Variants in KALRN observed in about 807,000 individuals in gnomAD.
The protein encoded by KALRN is kalirin RhoGEF kinase.
Under a neutral mutation model 353.7 loss-of-function variants are expected in KALRN, and 70 were observed. The ratio of observed to expected loss-of-function variants is 0.20; its 90% CI spans 0.16 to 0.24. The LOEUF (loss-of-function observed/expected upper bound fraction) is 0.24. Ranked by LOEUF, KALRN falls within the 10% of genes least tolerant of loss-of-function variation. KALRN has a pLI of 1.00. For synonymous variants in KALRN, 1,391 were observed against 1,434.8 expected, an observed-to-expected ratio of 0.97 and a Z score of 0.69; for missense variants, 2,791 against 3,756.7, an observed-to-expected ratio of 0.74 and a Z score of 6.72.
intron 6 of KALRN, among the ~76,000 whole-genome samples, chr3:124,322,777 C>A (rs1005943675): frequency 2.6e-5 from 4 of 152,182 alleles, no homozygotes; most frequent in Admixed American, 2.0e-4. Flanking sequence ...ACCTTCCTTG[C>A]CATTACTCCC....
intron 14 of KALRN, among the ~76,000 whole-genome samples, chr3:124,414,737 C>A (rs1383948771): frequency 1.3e-5 from 2 of 152,168 alleles, no homozygotes; most frequent in Non-Finnish European, 2.9e-5. Flanking sequence ...GAGCCCAGAT[C>A]TCTACCTTCC....
In KALRN at chr3:124,697,177, C is replaced by T. The variant is rs772705203; in HGVS notation, c.7700-416C>T. On this transcript the variant is annotated intron_variant, in intron 54 of 59. Coordinates refer to ENST00000682506, the MANE Select transcript of KALRN (RefSeq NM_001388419.1). ...CATCCCAAAGTGCTAGGATTATAGG[C>T]GTCAGCCAGCACACCTGGCACTACG... 3.9e-5 allele frequency among the ~76,000 whole-genome samples: 6 copies of T among 152,204 alleles called. 1 individual carries two copies. The highest frequency in any genetic ancestry group is 1.3e-4 in the Admixed American group (2 of 15,286).
At chr3:124,337,284 G>T (rs1161662173) in intron 9 of KALRN, among the ~76,000 whole-genome samples, 1 of 152,118 alleles carries the variant, frequency 6.6e-6, no homozygotes, top group African/African-American at 2.4e-5. Flanking sequence ...GTATGATATT[G>T]GCTGTGGGTT....
chr3:124,349,276 C>G (rs2082598354), intron 10 of KALRN, among the ~76,000 whole-genome samples: 1 of 152,082 alleles, frequency 6.6e-6, no homozygotes, highest in Non-Finnish European at 1.5e-5. Context: ...TAGTGAAATT[C>G]ATGGAGATGG....
intron 14 of KALRN, among the ~76,000 whole-genome samples, chr3:124,417,406 G>A (rs1202460762): frequency 3.9e-5 from 6 of 152,160 alleles, no homozygotes; most frequent in Non-Finnish European, 7.3e-5. Context: ...CTGACCGTGC[G>A]ACTGTTACAC....
chr3:124,583,686 C>T (rs2074839279), intron 34 of KALRN, among the ~76,000 whole-genome samples: 1 of 151,920 alleles, frequency 6.6e-6, no homozygotes, highest in Non-Finnish European at 1.5e-5. Context: ...GGGGCTGTTA[C>T]AAAAAGAAAA....
chr3:124,274,477 A>G (rs1301507427), intron 5 of KALRN, among the ~76,000 whole-genome samples: 2 of 152,228 alleles, frequency 1.3e-5, no homozygotes. Context: ...ACTGATGTCT[A>G]CCCAGGAGGC....
intron 37 of KALRN, 35 bp from the exon 38 acceptor site, chr3:124,650,773 T>C: frequency 6.4e-7 from 1 of 1,565,942 alleles, no homozygotes; most frequent in Non-Finnish European, 8.6e-7. Flanking sequence ...CTTTTCAAAG[T>C]ACACTTCTCT....
chr3:124,256,080 G>T (rs1209107476), intron 3 of KALRN, among the ~76,000 whole-genome samples: 23 of 152,178 alleles, frequency 1.5e-4, no homozygotes, highest in Admixed American at 1.5e-3. Context: ...ATGCAAGGTG[G>T]TTCACTCATG....
chr3:124,633,634 G>A, intron 35 of KALRN, among the ~76,000 whole-genome samples: 1 of 108,758 alleles, frequency 9.2e-6, no homozygotes, highest in Admixed American at 9.8e-5. Flanking sequence ...CTTCTTTTTG[G>A]GGGTGTGTGT....
At chr3:124,449,543 A>G (rs944209770) in intron 21 of KALRN, among the ~76,000 whole-genome samples, 6 of 152,236 alleles carry the variant, frequency 3.9e-5, no homozygotes, top group Non-Finnish European at 8.8e-5. Flanking sequence ...TTTCTTCTAA[A>G]AGTAAAACTT....
At chr3:124,268,431 G>A (rs898842038) in intron 4 of KALRN, among the ~76,000 whole-genome samples, 1 of 152,184 alleles carries the variant, frequency 6.6e-6, no homozygotes, top group Non-Finnish European at 1.5e-5. Flanking sequence ...AGCCTCTGAA[G>A]CCCTTTTGAA....
At position 124,720,924 on chromosome 3, in the gene KALRN, TA is replaced by T. The variant is rs1164979492; in HGVS notation, c.*1455del. On this transcript the variant is annotated 3_prime_UTR_variant, in exon 60 of 60. Coordinates refer to ENST00000682506, the MANE Select transcript of KALRN (RefSeq NM_001388419.1). ...TAGAATGTGTGTTGAAAATTGCGAT[TA>T]TACAAGTAAGATTTTAAAAATGTAA... The T allele has an allele frequency of 6.6e-6, 1 of 152,232 alleles. No homozygotes were observed. Among genetic ancestry groups the T allele is most frequent in the Non-Finnish European group, 1.5e-5 (1 of 68,036 alleles). The allele number at this position is 152,232 out of a possible 1,614,324, so 9.4% of individuals were successfully genotyped here.
chr3:124,218,692 A>G (rs949159458), intron 1 of KALRN, among the ~76,000 whole-genome samples: 5 of 152,214 alleles, frequency 3.3e-5, no homozygotes, highest in Non-Finnish European at 5.9e-5. Flanking sequence ...TATACTCAAG[A>G]TGTCAACTTT....
At chr3:124,577,906 A>T (rs2074280851) in intron 34 of KALRN, among the ~76,000 whole-genome samples, 1 of 151,698 alleles carries the variant, frequency 6.6e-6, no homozygotes, top group African/African-American at 2.4e-5. Flanking sequence ...CCCCCACCAT[A>T]TTTGGAGTTC....
chr3:124,106,573 G>A (rs1051572380), intron 1 of KALRN, among the ~76,000 whole-genome samples: 1 of 152,162 alleles, frequency 6.6e-6, no homozygotes, highest in Non-Finnish European at 1.5e-5. Context: ...CAAGACATCA[G>A]TTCCTCCTCC....
At chr3:124,043,544 G>A (rs554684868) in intron 1 of KALRN, among the ~76,000 whole-genome samples, 5 of 152,234 alleles carry the variant, frequency 3.3e-5, no homozygotes, top group South Asian at 2.1e-4. Context: ...CCTCAGTGAA[G>A]TAGCTGGCTG....
At chr3:124,173,533 T>A (rs2072200200) in intron 1 of KALRN, among the ~76,000 whole-genome samples, 1 of 152,186 alleles carries the variant, frequency 6.6e-6, no homozygotes, top group Non-Finnish European at 1.5e-5. Flanking sequence ...CTCTACTTTG[T>A]TTGTCTTTTG....
intron 25 of KALRN, among the ~76,000 whole-genome samples, chr3:124,463,585 G>A (rs1281939485): frequency 6.6e-6 from 1 of 152,226 alleles, no homozygotes; most frequent in Non-Finnish European, 1.5e-5. Context: ...TAGTGCTACT[G>A]AGGAACTGAA....
Sources: allele counts gnomAD v4.1 joint callset (sites outside exome capture counted in the v4.1 genomes callset), GRCh38; gene constraint gnomAD v4.1.1; transcripts MANE v1.5; gene names NCBI Gene and HGNC (gene_info 2026-07-23, HGNC 2026-07-21).